PDK1: variants seen among roughly 807,000 people sequenced by gnomAD.
PDK1 encodes the protein pyruvate dehydrogenase kinase 1.
A neutral mutation model predicts 54.2 loss-of-function variants in PDK1; 39 were observed. The ratio of observed to expected loss-of-function variants is 0.72; its 90% CI spans 0.56 to 0.94. The LOEUF (loss-of-function observed/expected upper bound fraction) is 0.94. Ranked by LOEUF, PDK1 falls within the 40% of genes least tolerant of loss-of-function variation. The probability of loss-of-function intolerance (pLI) is 0.00; values close to 1 mark genes in which losing one functional copy is unlikely to be tolerated. For missense variants in PDK1, 552 were observed against 566.0 expected, an observed-to-expected ratio of 0.98 and a Z score of 0.25; for synonymous variants, 221 against 207.1, an observed-to-expected ratio of 1.07 and a Z score of -0.58.
At chr2:172,662,420 C>T in the PDK1 span, among the ~76,000 whole-genome samples, 3 of 151,210 alleles carry the variant, frequency 2.0e-5, no homozygotes, top group Non-Finnish European at 4.4e-5. Flanking sequence ...CAAGAGATAA[C>T]ATGACTCATA....
chr2:172,633,191 C>T, the PDK1 span, among the ~76,000 whole-genome samples: 4 of 141,416 alleles, frequency 2.8e-5, no homozygotes, highest in African/African-American at 2.6e-5. Flanking sequence ...TATAGGCATG[C>T]ACCACCATGC....
chr2:172,694,517 C>A, the PDK1 span, among the ~76,000 whole-genome samples: 1 of 152,192 alleles, frequency 6.6e-6, no homozygotes, highest in Non-Finnish European at 1.5e-5. Flanking sequence ...TGTGGGCATT[C>A]TCCAGGCATT....
At chr2:172,722,880 T>C in the PDK1 span, among the ~76,000 whole-genome samples, 1 of 152,186 alleles carries the variant, frequency 6.6e-6, no homozygotes, top group Non-Finnish European at 1.5e-5. Context: ...TCGGCTAAGT[T>C]ATAAATGAAA....
intron 9 of PDK1, among the ~76,000 whole-genome samples, chr2:172,591,349 A>T (rs1434445954): frequency 6.6e-6 from 1 of 152,188 alleles, no homozygotes; most frequent in East Asian, 1.9e-4. Context: ...GGCATCTCAT[A>T]CTATCCCTGA....
chr2:172,604,586 T>C lies in PDK1; in HGVS notation c.*8617T>C, dbSNP rs1235924281. ...AGAAAAATCATGGCCTCTGGAGTTT[T>C]ACTGAGGACTAGAGATAGCTAAGTA... On this transcript the variant is annotated 3_prime_UTR_variant, in exon 11 of 11. Transcript: ENST00000282077. 1 of 152,234 alleles carries C rather than the reference T, an allele frequency of 6.6e-6. No homozygotes were observed. Among genetic ancestry groups the C allele is most frequent in the Non-Finnish European group, 1.5e-5 (1 of 68,036 alleles). 9.4% of individuals were successfully genotyped at this position (152,234 alleles called of 1,614,324 possible).
the PDK1 span, among the ~76,000 whole-genome samples, chr2:172,692,289 C>T: frequency 1.3e-5 from 2 of 151,984 alleles, no homozygotes; most frequent in Admixed American, 6.6e-5. Flanking sequence ...GGAAATATAC[C>T]ATCAAACTAA....
chr2:172,716,057 A>T, the PDK1 span, among the ~76,000 whole-genome samples: 1 of 152,226 alleles, frequency 6.6e-6, no homozygotes, highest in Non-Finnish European at 1.5e-5. Context: ...CCACAGATTT[A>T]TAAAGGATTT....
chr2:172,619,449 C>G, the PDK1 span, among the ~76,000 whole-genome samples: 4 of 151,806 alleles, frequency 2.6e-5, no homozygotes, highest in Non-Finnish European at 5.9e-5. Context: ...CTCATTTTCC[C>G]CCATTAAATT....
chr2:172,579,325 G>T (rs982401897), intron 8 of PDK1, among the ~76,000 whole-genome samples: 7 of 152,116 alleles, frequency 4.6e-5, no homozygotes, highest in African/African-American at 1.7e-4. Context: ...CTACCAGGCT[G>T]CTGGTTTCAC....
At chr2:172,556,060 C>T, upstream of PDK1, 5 of 1,001,598 alleles carry the variant, frequency 5.0e-6, no homozygotes, top group Non-Finnish European at 4.0e-6. Context: ...CGATCCCCGC[C>T]CCTGCTGCCC....
intron 3 of PDK1, among the ~76,000 whole-genome samples, chr2:172,563,208 G>A (rs1022059429): frequency 2.6e-5 from 4 of 152,140 alleles, no homozygotes; most frequent in Non-Finnish European, 5.9e-5. Flanking sequence ...AGAGCCTTCT[G>A]AAAACAGTCA....
At chr2:172,649,551 G>A in the PDK1 span, among the ~76,000 whole-genome samples, 1 of 152,122 alleles carries the variant, frequency 6.6e-6, no homozygotes, top group Non-Finnish European at 1.5e-5. Context: ...GCTAAAGGAG[G>A]ATGTTCGAAC....
At chr2:172,682,107 C>G in the PDK1 span, among the ~76,000 whole-genome samples, 1 of 152,156 alleles carries the variant, frequency 6.6e-6, no homozygotes, top group African/African-American at 2.4e-5. Context: ...TTATTGAAAG[C>G]TGACATTTGA....
At chr2:172,679,799 A>G in the PDK1 span, among the ~76,000 whole-genome samples, 1 of 152,220 alleles carries the variant, frequency 6.6e-6, no homozygotes, top group Non-Finnish European at 1.5e-5. Flanking sequence ...AAAAGAAGGT[A>G]ATAACTCAGC....
the PDK1 span, among the ~76,000 whole-genome samples, chr2:172,661,549 T>C: frequency 6.6e-6 from 1 of 152,214 alleles, no homozygotes; most frequent in Non-Finnish European, 1.5e-5. Context: ...TTACAAATAT[T>C]GAAAGCCAGG....
At chr2:172,632,991 A>AAAAAACAAAAAAAAAAACAAAAAAC in the PDK1 span, among the ~76,000 whole-genome samples, 2 of 147,484 alleles carry the variant, frequency 1.4e-5, no homozygotes, top group African/African-American at 5.2e-5. Context: ...AAAAAAAAAA[A>AAAAAACAAAAAAAAAAACAAAAAAC]AAGGAACATA....
the PDK1 span, among the ~76,000 whole-genome samples, chr2:172,712,943 G>T: frequency 1.3e-5 from 2 of 152,234 alleles, no homozygotes; most frequent in Admixed American, 1.3e-4. Context: ...CAGCTCTCAG[G>T]AGACCCAAAG....
At chr2:172,558,917 C>A in intron 2 of PDK1, 68 bp downstream of exon 2, 1 of 1,362,728 alleles carries the variant, frequency 7.3e-7, no homozygotes, top group Non-Finnish European at 1.0e-6. Flanking sequence ...ACAGCAAATG[C>A]TTTTTTTTAC....
chr2:172,687,030 G>A, the PDK1 span, among the ~76,000 whole-genome samples: 3 of 152,072 alleles, frequency 2.0e-5, no homozygotes, highest in Non-Finnish European at 2.9e-5. Context: ...AGCACTTTTT[G>A]TATGGTTGAG....
Sources: allele counts gnomAD v4.1 joint callset (sites outside exome capture counted in the v4.1 genomes callset), GRCh38; gene constraint gnomAD v4.1.1; transcripts MANE v1.5; gene names NCBI Gene and HGNC (gene_info 2026-07-23, HGNC 2026-07-21).